Variants in STMND1 observed in about 807,000 individuals in gnomAD.
The protein encoded by STMND1 is stathmin domain containing 1.
Under a neutral mutation model 23.0 loss-of-function variants are expected in STMND1, and 17 were observed. The observed-to-expected ratio is 0.74, with a 90% confidence interval of 0.51 to 1.11. STMND1 has a LOEUF of 1.11. STMND1 is among the 50% of genes least tolerant of loss of function. The pLI is 0.00. For synonymous variants in STMND1, 114 were observed against 119.9 expected, an observed-to-expected ratio of 0.95 and a Z score of 0.32; for missense variants, 305 against 329.1, an observed-to-expected ratio of 0.93 and a Z score of 0.57.
At position 17,130,595 on chromosome 6, in the gene STMND1, C is replaced by A. The variant is rs997747478; in HGVS notation, c.545C>A (p.Thr182Asn). ...TCATTCTTTAATACTGCATTTCAGA[C>A]TAAAGAAGAAGAAATAAGAAAAAGG... ...KMEAAEERRK[T>N]KEEEIRKRLR... is the part of the protein sequence containing the mutation. The change falls in exon 5 of 5, where the codon ACT becomes AAT. Residue 182 changes from threonine (T) to asparagine (N), a missense_variant and splice_region_variant. Physicochemically the swap from Thr to Asn is moderately conservative, Grantham distance 65 (BLOSUM62 0). Coordinates refer to ENST00000536551, the MANE Select transcript of STMND1 (RefSeq NM_001190766.2). 7.3e-6 allele frequency: 11 copies of A among 1,506,804 alleles called. No individual in the cohort carries two copies. The highest frequency in any genetic ancestry group is 4.2e-5 in the African/African-American group (3 of 71,526). The allele number at this position is 1,506,804 out of a possible 1,614,324, so 93.3% of individuals were successfully genotyped here.
intron 3 of STMND1, 119 bp downstream of exon 3, chr6:17,120,877 A>C (rs1761223474): frequency 1.1e-6 from 1 of 874,072 alleles, no homozygotes; most frequent in African/African-American, 1.7e-5. Flanking sequence ...CATTTATTTA[A>C]GTCAGATTTT....
chr6:17,129,228 C>G lies in STMND1; in HGVS notation c.528C>G (p.Ala176=), dbSNP rs1254878884. 13 of 1,535,706 alleles carry G rather than the reference C, an allele frequency of 8.5e-6. No homozygotes were observed. The highest frequency in any genetic ancestry group is 1.1e-5 in the Non-Finnish European group (13 of 1,146,800). Residue 176 remains alanine (A), a synonymous_variant, in exon 4 of 5, where the codon GCC becomes GCG. Coordinates refer to ENST00000536551, the MANE Select transcript of STMND1 (RefSeq NM_001190766.2). ...ACATCGAGGAGAAGATGGAGGCTGCCGAGGAGCGCAGGAAGGTAGTGAGCT... is the reference window on the plus strand; with the variant it reads ...ACATCGAGGAGAAGATGGAGGCTGCGGAGGAGCGCAGGAAGGTAGTGAGCT... ...MKDIEEKMEA[A]EERRKTKEEE...
intron 1 of STMND1, among the ~76,000 whole-genome samples, chr6:17,112,806 G>A (rs1761111147): frequency 1.3e-5 from 2 of 152,100 alleles, no homozygotes; most frequent in Non-Finnish European, 2.9e-5. Flanking sequence ...AAATTTCTGG[G>A]TCACATGGTT....
chr6:17,130,465 T>C, intron 4 of STMND1, 129 bp from the exon 5 acceptor site: 1 of 774,906 alleles, frequency 1.3e-6, no homozygotes, highest in Non-Finnish European at 2.0e-6. Flanking sequence ...CAAGAGTTTC[T>C]CAACAAATGT....
chr6:17,115,002 C>A lies in STMND1; in HGVS notation c.122C>A (p.Pro41His), dbSNP rs984681401. 3 of 1,533,004 alleles carry A rather than the reference C, an allele frequency of 2.0e-6. No homozygotes were observed. In the Admixed American group the frequency reaches 5.9e-5, roughly 30 times the overall value. 95.0% of individuals were successfully genotyped at this position (1,533,004 alleles called of 1,614,324 possible). A position where few individuals can be genotyped will look rare whatever the true frequency, so the allele number is the denominator to read the frequency against. ...CCTCATACTGGGGAAAATTGCAGCC[C>A]CCGGATGGAAGCTGCTCTGACCAAG... Reference protein sequence around the residue: ...SVPHTGENCSPRMEAALTKNT... With the variant: ...SVPHTGENCSHRMEAALTKNT... The change falls in exon 2 of 5, where the codon CCC becomes CAC. Residue 41 changes from proline (P) to histidine (H), a missense_variant. Coordinates refer to ENST00000536551, the MANE Select transcript of STMND1 (RefSeq NM_001190766.2).
In STMND1 at chr6:17,102,291, C is replaced by T. The variant is rs1760951181; in HGVS notation, c.34C>T (p.Arg12Trp). ...GCGPSQPAED[R>W]RRVRAPKKGW... Reference sequence around the variant, plus strand: ...TGGACCTTCCCAACCTGCTGAAGACCGGAGACGTGTACGCGCGCCCAAGAA... The same window carrying T: ...TGGACCTTCCCAACCTGCTGAAGACTGGAGACGTGTACGCGCGCCCAAGAA... Residue 12 changes from arginine to tryptophan, a missense_variant, in exon 1 of 5, where the codon CGG becomes TGG. Arg to Trp is a moderately radical substitution (Grantham distance 101). Coordinates refer to ENST00000536551, the MANE Select transcript of STMND1 (RefSeq NM_001190766.2). 1 of 1,536,016 alleles carries T rather than the reference C, an allele frequency of 6.5e-7. No individual in the cohort carries two copies. The highest frequency in any genetic ancestry group is 8.7e-7 in the Non-Finnish European group (1 of 1,146,874).
At chr6:17,125,140 G>A (rs1413113010) in intron 3 of STMND1, among the ~76,000 whole-genome samples, 2 of 122,006 alleles carry the variant, frequency 1.6e-5, no homozygotes, top group Admixed American at 9.7e-5. Context: ...AACATGGTAA[G>A]ATGCCATTTC....
chr6:17,126,072 T>TATATATATATATA (rs1561925825), intron 3 of STMND1, among the ~76,000 whole-genome samples: 4 of 42,752 alleles, frequency 9.4e-5, no homozygotes, highest in Non-Finnish European at 1.3e-4. Context: ...ATATATATAT[T>TATATATATATATA]TTTTTTTTTT....
At chr6:17,103,566 C>CTTTTTTTTTTT (rs68161737) in intron 1 of STMND1, among the ~76,000 whole-genome samples, 2 of 82,102 alleles carry the variant, frequency 2.4e-5, no homozygotes, top group Non-Finnish European at 4.4e-5. Flanking sequence ...GACCCATTAC[C>CTTTTTTTTTTT]TTTTTTTTTT....
At position 17,117,037 on chromosome 6, in the gene STMND1, A is replaced by C. The variant is rs1243316548; in HGVS notation, c.259+1898A>C. Among the ~76,000 whole-genome samples the C allele has an allele frequency of 3.9e-5, 6 of 152,076 alleles. No homozygotes were observed. In the East Asian group the frequency reaches 9.7e-4, roughly 24 times the overall value. On this transcript the variant is annotated intron_variant, in intron 2 of 4. Coordinates refer to ENST00000536551, the MANE Select transcript of STMND1 (RefSeq NM_001190766.2). ...CAAGGATACTCTTTGCATAATCACTATACAAGGATCAAAATTGGGAAATTA... is the reference window on the plus strand; with the variant it reads ...CAAGGATACTCTTTGCATAATCACTCTACAAGGATCAAAATTGGGAAATTA...
chr6:17,123,785 A>C (rs1274589516), intron 3 of STMND1, among the ~76,000 whole-genome samples: 2 of 152,178 alleles, frequency 1.3e-5, no homozygotes, highest in Admixed American at 1.3e-4. Flanking sequence ...ATAGGAACTA[A>C]GATTATACTC....
intron 3 of STMND1, among the ~76,000 whole-genome samples, chr6:17,123,457 C>T (rs1422590930): frequency 1.3e-5 from 2 of 152,142 alleles, no homozygotes; most frequent in African/African-American, 2.4e-5. Flanking sequence ...TGTTTCATCG[C>T]CTAATCCAGT....
At chr6:17,126,070 A>ATTTTTTT (rs1189845838) in intron 3 of STMND1, among the ~76,000 whole-genome samples, 1 of 20,532 alleles carries the variant, frequency 4.9e-5, no homozygotes, top group African/African-American at 2.6e-4. Flanking sequence ...ATATATATAT[A>ATTTTTTT]TTTTTTTTTT....
intron 3 of STMND1, 193 bp from the exon 4 acceptor site, chr6:17,128,919 C>T (rs1285452029): frequency 6.5e-6 from 3 of 463,690 alleles, no homozygotes; most frequent in Non-Finnish European, 1.2e-5. Context: ...CACTATGTTG[C>T]CCAGGCTGGC....
rs1178520104 is a variant in STMND1 at position 17,102,163 on chromosome 6, A to AGGAGCGCGGGACCACCGGCGCC, written c.-85_-64dup. ...AGCAGGGGCGTAGGGCGCAGGGCGC[A>AGGAGCGCGGGACCACCGGCGCC]GGAGCGCGGGACCACCGGCGCCGGA... On this transcript the variant is annotated 5_prime_UTR_variant, in exon 1 of 5. Transcript: ENST00000536551. 1.1e-5 allele frequency: 14 copies of AGGAGCGCGGGACCACCGGCGCC among 1,279,054 alleles called. No homozygotes were observed. Among genetic ancestry groups the AGGAGCGCGGGACCACCGGCGCC allele is most frequent in the Non-Finnish European group, 1.4e-5 (14 of 982,456 alleles). The allele number at this position is 1,279,054 out of a possible 1,614,324, so 79.2% of individuals were successfully genotyped here.
intron 2 of STMND1, among the ~76,000 whole-genome samples, chr6:17,116,533 A>G (rs1178916621): frequency 1.3e-5 from 2 of 151,906 alleles, no homozygotes; most frequent in African/African-American, 2.4e-5. Context: ...TCCGCCTCCC[A>G]GGTTCAAGCA....
intron 1 of STMND1, among the ~76,000 whole-genome samples, chr6:17,107,498 T>C (rs540651633): frequency 6.6e-6 from 1 of 152,074 alleles, no homozygotes; most frequent in Admixed American, 6.5e-5. Context: ...GAGGAAAAAA[T>C]AGAACATTCT....
chr6:17,129,164 T>A lies in STMND1; in HGVS notation c.464T>A (p.Leu155His). The change falls in exon 4 of 5, where the codon CTC (leucine) becomes CAC (histidine). Residue 155 changes from leucine (L) to histidine (H), a missense_variant. Transcript: ENST00000536551. ...LRKPPSRLKK[L>H]KIKKQVKDFT... Reference sequence around the variant, plus strand: ...AAGCCACCTTCCAGACTGAAAAAACTCAAGATCAAAAAGCAAGTGAAGGAT... The same window carrying A: ...AAGCCACCTTCCAGACTGAAAAAACACAAGATCAAAAAGCAAGTGAAGGAT... The A allele has an allele frequency of 3.9e-6, 6 of 1,535,800 alleles. No individual in the cohort carries two copies. Among genetic ancestry groups the A allele is most frequent in the Non-Finnish European group, 5.2e-6 (6 of 1,146,814 alleles).
intron 2 of STMND1, 135 bp downstream of exon 2, chr6:17,115,274 G>T: frequency 1.3e-6 from 1 of 758,130 alleles, no homozygotes; most frequent in Non-Finnish European, 1.9e-6. Flanking sequence ...CAGTGTTTTT[G>T]TCTCTGAAAC....
Sources: gnomAD v4.1 joint callset for allele counts (sites outside exome capture counted in the v4.1 genomes callset) on GRCh38, gnomAD v4.1.1 for gene constraint, MANE v1.5 for transcripts, NCBI Gene and HGNC (gene_info 2026-07-23, HGNC 2026-07-21) for gene names.